The following ZFHX3 variants were observed in gnomAD, a reference collection of about 807,000 sequenced individuals.
ZFHX3 encodes zinc finger homeobox 3.
ZFHX3 carries 42 observed loss-of-function variants against 279.1 expected under a neutral mutation model. The ratio of observed to expected loss-of-function variants is 0.15; its 90% confidence interval spans 0.12 to 0.19. The LOEUF (loss-of-function observed/expected upper bound fraction) is 0.19, where lower values mean the gene tolerates loss of function less well. Among genes scored for constraint, ZFHX3 ranks in the 10% least tolerant of loss-of-function variants. ZFHX3 has a pLI of 1.00. For missense variants in ZFHX3, 4,981 were observed against 4,754.0 expected (o/e 1.05, Z -1.40); for synonymous variants, 2,293 against 1,957.8 (o/e 1.17, Z -4.52).
chr16:73,228,159 A>C (rs1597230867), intron 5 of ZFHX3, among the ~76,000 whole-genome samples: 1 of 152,278 alleles, frequency 6.6e-6, no homozygotes, highest in Admixed American at 6.5e-5. Context: ...ATAACAACTA[A>C]GTTATTGATA....
chr16:72,957,446 G>A lies in ZFHX3; in HGVS notation c.2700C>T (p.Ala900=), dbSNP rs775550525. The change falls in exon 2 of 10, where the codon GCC becomes GCT. Residue 900 remains alanine, a synonymous_variant. Coordinates refer to ENST00000268489, the MANE Select transcript of ZFHX3 (RefSeq NM_006885.4). ...GFQLDPAGPM[A]AMTPALVGGE... ...CCTCACCTAGAGCAGGCGTCATGGC[G>A]GCCATGGGCCCGGCGGGATCCAGCT... The A allele has an allele frequency of 8.9e-5, 144 of 1,610,424 alleles. No homozygotes were observed. The highest frequency in any genetic ancestry group is 1.1e-4 in the Non-Finnish European group (128 of 1,177,976).
rs763716874 is a variant in ZFHX3, at chr16:72,959,468, G to C, written c.678C>G (p.Pro226=). The part of the protein sequence containing the change: ...PNTSALAGLS[P]VLHSFRVFDV... Reference sequence around the variant, plus strand: ...CAAACACGCGGAAGCTGTGCAGGACGGGGCTGAGCCCCGCCAGGGCTGAGG... The same window carrying C: ...CAAACACGCGGAAGCTGTGCAGGACCGGGCTGAGCCCCGCCAGGGCTGAGG... The change falls in exon 2 of 10, where the codon CCC becomes CCG. Residue 226 remains proline (P), a synonymous_variant. Transcript: ENST00000268489. 4 of 1,614,272 alleles carry C rather than the reference G, an allele frequency of 2.5e-6. No individual in the cohort carries two copies. Among genetic ancestry groups the C allele is most frequent in the Middle Eastern group, 1.6e-4 (1 of 6,062 alleles).
chr16:73,647,440 A>T (rs1370202896), intron 2 of ZFHX3, among the ~76,000 whole-genome samples: 1 of 151,982 alleles, frequency 6.6e-6, no homozygotes, highest in Non-Finnish European at 1.5e-5. Flanking sequence ...GTCAGATCTG[A>T]TGGTTTAAAA....
At chr16:73,155,897 T>G (rs891084968) in intron 5 of ZFHX3, among the ~76,000 whole-genome samples, 2 of 152,042 alleles carry the variant, frequency 1.3e-5, no homozygotes, top group African/African-American at 2.4e-5. Flanking sequence ...ATAGTACATA[T>G]GCATATCATA....
At chr16:73,020,627 T>A (rs1447468480) in intron 1 of ZFHX3, among the ~76,000 whole-genome samples, 2 of 152,210 alleles carry the variant, frequency 1.3e-5, no homozygotes, top group African/African-American at 4.8e-5. Context: ...TCATCGAAAC[T>A]GAAATCAAGT....
intron 3 of ZFHX3, among the ~76,000 whole-genome samples, chr16:72,930,035 T>C (rs1429073785): frequency 3.3e-5 from 5 of 152,116 alleles, no homozygotes; most frequent in African/African-American, 9.7e-5. Context: ...CTGGCCAACA[T>C]GGTGAAACTC....
At chr16:73,746,006 C>G (rs2053700075) in intron 1 of ZFHX3, among the ~76,000 whole-genome samples, 1 of 152,128 alleles carries the variant, frequency 6.6e-6, no homozygotes, top group Non-Finnish European at 1.5e-5. Flanking sequence ...CAGGAGTCCA[C>G]CCCTGCCAAC....
chr16:73,767,917 A>C (rs527273011), intron 1 of ZFHX3, among the ~76,000 whole-genome samples: 48 of 152,354 alleles, frequency 3.2e-4, no homozygotes, highest in African/African-American at 1.1e-3. Flanking sequence ...AAGGTGAGGC[A>C]GAGTTTAAGG....
At chr16:73,681,970 A>G (rs982243256) in intron 1 of ZFHX3, among the ~76,000 whole-genome samples, 1 of 152,212 alleles carries the variant, frequency 6.6e-6, no homozygotes, top group East Asian at 1.9e-4. Flanking sequence ...ATATATACCT[A>G]TCTAGCTATG....
chr16:73,008,936 GTGTA>G (rs747333224), intron 1 of ZFHX3, among the ~76,000 whole-genome samples: 4 of 139,626 alleles, frequency 2.9e-5, no homozygotes, highest in Non-Finnish European at 4.6e-5. Flanking sequence ...GTGTGTGTGT[GTGTA>G]TGTGTGTATA....
chr16:73,233,555 G>A (rs1029465256), intron 5 of ZFHX3, among the ~76,000 whole-genome samples: 1 of 152,206 alleles, frequency 6.6e-6, no homozygotes, highest in Non-Finnish European at 1.5e-5. Context: ...CATTGGTTGG[G>A]TTTCTGGCAA....
chr16:73,429,749 G>A (rs918101741), intron 3 of ZFHX3, among the ~76,000 whole-genome samples: 7 of 152,112 alleles, frequency 4.6e-5, no homozygotes, highest in South Asian at 2.1e-4. Context: ...ATAGGCCCCC[G>A]GTGGGAACTC....
At chr16:73,245,044 C>T (rs1370227696) in intron 5 of ZFHX3, among the ~76,000 whole-genome samples, 1 of 152,134 alleles carries the variant, frequency 6.6e-6, no homozygotes, top group Admixed American at 6.5e-5. Flanking sequence ...TCTCAGCAAC[C>T]TATTCTTGGA....
intron 1 of ZFHX3, among the ~76,000 whole-genome samples, chr16:73,831,280 G>T (rs1376328740): frequency 6.6e-6 from 1 of 152,196 alleles, no homozygotes; most frequent in Admixed American, 6.5e-5. Flanking sequence ...CTATTTCAGA[G>T]TCTGGTACTA....
At chr16:73,509,378 G>A (rs979991787) in intron 2 of ZFHX3, among the ~76,000 whole-genome samples, 2 of 151,524 alleles carry the variant, frequency 1.3e-5, no homozygotes, top group African/African-American at 4.9e-5. Flanking sequence ...CAATCCATCA[G>A]CCAGGCCCTT....
intron 2 of ZFHX3, among the ~76,000 whole-genome samples, chr16:73,617,021 T>C (rs1367863299): frequency 6.6e-6 from 1 of 152,152 alleles, no homozygotes; most frequent in African/African-American, 2.4e-5. Context: ...CACTCGGCCA[T>C]TTTCTGTGTC....
intron 2 of ZFHX3, among the ~76,000 whole-genome samples, chr16:73,628,792 C>G (rs1163378956): frequency 6.6e-6 from 1 of 152,142 alleles, no homozygotes; most frequent in Non-Finnish European, 1.5e-5. Context: ...TAGAACCAGA[C>G]CTTTTAAAAT....
intron 2 of ZFHX3, among the ~76,000 whole-genome samples, chr16:73,677,522 T>G: frequency 6.6e-6 from 1 of 152,048 alleles, no homozygotes; most frequent in African/African-American, 2.4e-5. Flanking sequence ...ACTTTAGACC[T>G]GGCTCTTCCA....
At chr16:72,834,522 T>C (rs188934074) in intron 4 of ZFHX3, among the ~76,000 whole-genome samples, 2 of 152,194 alleles carry the variant, frequency 1.3e-5, no homozygotes, top group African/African-American at 2.4e-5. Flanking sequence ...CAAATGCAAA[T>C]TGATCTCTTA....
Sources: gnomAD v4.1 joint callset for allele counts (sites outside exome capture counted in the v4.1 genomes callset) on GRCh38, gnomAD v4.1.1 for gene constraint, MANE v1.5 for transcripts, NCBI Gene and HGNC (gene_info 2026-07-23, HGNC 2026-07-21) for gene names.